Variants in IPO5 observed in about 807,000 individuals in gnomAD.
The protein encoded by IPO5 is importin 5, also known as importin-5.
In IPO5, 18 loss-of-function variants were observed where a neutral mutation model predicts 143.3. The ratio of observed to expected loss-of-function variants is 0.13; its 90% CI spans 0.09 to 0.19. IPO5 has a LOEUF of 0.19. Ranked by LOEUF, IPO5 falls within the 10% of genes least tolerant of loss-of-function variation. The probability of loss-of-function intolerance (pLI) is 1.00; values close to 1 mark genes in which losing one functional copy is unlikely to be tolerated. For missense variants in IPO5, 1,013 were observed against 1,336.9 expected (o/e 0.76, Z 3.78); for synonymous variants, 477 against 465.7 (o/e 1.02, Z -0.31).
At position 98,021,160 on chromosome 13, in the gene IPO5, G is replaced by A. The variant is rs1490152673; in HGVS notation, c.3207+27G>A. On this transcript the variant is annotated intron_variant, in intron 28 of 28. Coordinates refer to ENST00000651721, the MANE Select transcript of IPO5 (RefSeq NM_002271.6). ...TAAGCTGATTTGGTTGAATTGGGGA[G>A]GGGGAGATAAAACCTTTTTTTCTTT... 3 of 1,569,880 alleles carry A rather than the reference G, an allele frequency of 1.9e-6. 1 individual carries two copies. The highest frequency in any genetic ancestry group is 3.4e-4 in the Middle Eastern group (2 of 5,962).
intron 2 of IPO5, among the ~76,000 whole-genome samples, chr13:97,967,496 G>T (rs2139532128): frequency 6.6e-6 from 1 of 151,874 alleles, no homozygotes; most frequent in Non-Finnish European, 1.5e-5. Context: ...TAGTATCTAA[G>T]GAAGTAGGTT....
At chr13:98,007,912 T>G in intron 17 of IPO5, 147 bp from the exon 18 acceptor site, 1 of 584,906 alleles carries the variant, frequency 1.7e-6, no homozygotes, top group Non-Finnish European at 3.1e-6. Context: ...TGTCACAATA[T>G]AGATGAGAAT....
chr13:97,998,053 G>A (rs948195558), intron 12 of IPO5, among the ~76,000 whole-genome samples: 34 of 152,200 alleles, frequency 2.2e-4, no homozygotes, highest in Non-Finnish European at 4.1e-4. Flanking sequence ...TCGGCTCACC[G>A]CAAGCTCCGC....
rs149131662 is a variant in IPO5 at position 98,019,553 on chromosome 13, C to T, written c.2837-28C>T. 1.1e-4 allele frequency: 163 copies of T among 1,497,520 alleles called. No homozygotes were observed. The East Asian group carries it at 3.5e-3, about 32-fold the overall frequency. 92.8% of individuals were successfully genotyped at this position (1,497,520 alleles called of 1,614,324 possible). On this transcript the variant is annotated intron_variant, in intron 26 of 28. Coordinates refer to ENST00000651721, the MANE Select transcript of IPO5 (RefSeq NM_002271.6). ...TTTGCATGAAAATGTGAGGTTTTAG[C>T]TGAACTTCTTTCAAATGCTTATTTT... is the stretch of plus-strand genomic sequence containing the variant.
chr13:97,995,868 C>G (rs1051199645), intron 11 of IPO5, among the ~76,000 whole-genome samples: 14 of 152,148 alleles, frequency 9.2e-5, no homozygotes, highest in Non-Finnish European at 1.5e-4. Context: ...ATATATTTTA[C>G]AAGTAATGCT....
intron 2 of IPO5, among the ~76,000 whole-genome samples, chr13:97,968,132 TTTC>T (rs2139537357): frequency 6.6e-6 from 1 of 152,318 alleles, no homozygotes; most frequent in South Asian, 2.1e-4. Flanking sequence ...CATCTTGTGA[TTTC>T]TTCTTTGACG....
At chr13:98,012,056 A>G (rs1245501057) in intron 20 of IPO5, among the ~76,000 whole-genome samples, 190 bp from the exon 21 acceptor site, 2 of 151,992 alleles carry the variant, frequency 1.3e-5, no homozygotes, top group Non-Finnish European at 2.9e-5. Context: ...CCAATACTAC[A>G]ATCATTTCAT....
In IPO5 at chr13:98,003,591, C is replaced by T. The variant is rs529742668; in HGVS notation, c.1497+554C>T. 7.2e-5 allele frequency among the ~76,000 whole-genome samples: 11 copies of T among 152,122 alleles called. 1 individual carries two copies. In the South Asian group the frequency reaches 8.3e-4, roughly 11 times the overall value. On this transcript the variant is annotated intron_variant, in intron 16 of 28. Coordinates refer to ENST00000651721, the MANE Select transcript of IPO5 (RefSeq NM_002271.6). ...AGGGCCCGGCACGGTGGCTCATCCC[C>T]GTAATCCCAGCACTTTGGGAGGCTG...
rs2139833848 is a variant in IPO5, at chr13:98,012,288, A to G, written c.2098A>G (p.Thr700Ala). 1 of 1,613,296 alleles carries G rather than the reference A, an allele frequency of 6.2e-7. No homozygotes were observed. Among genetic ancestry groups the G allele is most frequent in the East Asian group, 2.2e-5 (1 of 44,860 alleles). The change falls in exon 21 of 29, where the codon ACC becomes GCC. Residue 700 changes from threonine to alanine, a missense_variant. Physicochemically the swap from Thr to Ala is moderately conservative, Grantham distance 58 (BLOSUM62 0). Coordinates refer to ENST00000651721, the MANE Select transcript of IPO5 (RefSeq NM_002271.6). Reference sequence around the variant, plus strand: ...GTTAAAGGAAGGCTTTGTGGAGTACACCGAACAGGTTGTCAAACTGATGGT... The same window carrying G: ...GTTAAAGGAAGGCTTTGTGGAGTACGCCGAACAGGTTGTCAAACTGATGGT... ...KELKEGFVEY[T>A]EQVVKLMVPL...
rs1243744292 is a variant in IPO5, at chr13:97,985,407, T to C, written c.172-14T>C. The C allele has an allele frequency of 6.3e-7, 1 of 1,592,928 alleles. No individual in the cohort carries two copies. Among genetic ancestry groups the C allele is most frequent in the South Asian group, 1.1e-5 (1 of 90,414 alleles). ...AGAGTGAATCTAGTTATTAACAATG[T>C]TATCTGTTTATAGGCTAGACAAATG... is the stretch of plus-strand genomic sequence containing the variant. On this transcript the variant is annotated splice_polypyrimidine_tract_variant and intron_variant, in intron 5 of 28. Transcript: ENST00000651721.
At chr13:98,004,760 A>G (rs1269165852) in intron 16 of IPO5, among the ~76,000 whole-genome samples, 1 of 152,160 alleles carries the variant, frequency 6.6e-6, no homozygotes, top group Non-Finnish European at 1.5e-5. Flanking sequence ...CTTTCTCAAG[A>G]CATAGTTGAA....
At position 98,022,975 on chromosome 13, in the gene IPO5, A is replaced by G. The variant is rs1236621188; in HGVS notation, c.*1153A>G. 2 of 152,626 alleles carry G rather than the reference A, an allele frequency of 1.3e-5. No individual in the cohort carries two copies. The highest frequency in any genetic ancestry group is 2.9e-5 in the Non-Finnish European group (2 of 68,042). The allele number at this position is 152,626 out of a possible 1,614,324, so 9.5% of individuals were successfully genotyped here. A position where few individuals can be genotyped will look rare whatever the true frequency, so the allele number is the denominator to read the frequency against. ...GCATCTTAATAGACTTCTGTTGAAA[A>G]CTTCAGTGTTAACATTTTTATAGTT... On this transcript the variant is annotated 3_prime_UTR_variant, in exon 29 of 29. Transcript: ENST00000651721.
intron 4 of IPO5, chr13:97,981,385 T>C (rs1886834385): frequency 2.5e-6 from 1 of 392,580 alleles, no homozygotes; most frequent in African/African-American, 2.1e-5. Flanking sequence ...CTGCTATTCA[T>C]TGTCTATGAT....
intron 11 of IPO5, among the ~76,000 whole-genome samples, chr13:97,997,317 GT>G (rs1281454058): frequency 6.6e-6 from 1 of 152,170 alleles, no homozygotes; most frequent in Non-Finnish European, 1.5e-5. Flanking sequence ...TCATAGGAGG[GT>G]TTGACTTAAT....
chr13:98,003,179 G>A, intron 16 of IPO5, 142 bp downstream of exon 16: 1 of 691,350 alleles, frequency 1.4e-6, no homozygotes, highest in Non-Finnish European at 2.5e-6. Context: ...ATTCGGAGTT[G>A]TGGAATGATG....
At chr13:98,002,354 T>C (rs583478) in intron 13 of IPO5, 113 bp from the exon 14 acceptor site, 64,960 of 1,010,968 alleles carry the variant, frequency 0.064, 4,197 homozygotes, top group East Asian at 0.32. Flanking sequence ...TATACCCTTT[T>C]CAAAAAAGTT....
At chr13:97,959,234 A>G (rs1884683786) in intron 2 of IPO5, among the ~76,000 whole-genome samples, 1 of 151,764 alleles carries the variant, frequency 6.6e-6, no homozygotes. Flanking sequence ...CTAGTAGCAG[A>G]ACATGCTGCT....
intron 2 of IPO5, among the ~76,000 whole-genome samples, chr13:97,961,634 G>A (rs1029314749): frequency 3.3e-5 from 5 of 152,132 alleles, no homozygotes; most frequent in Admixed American, 1.3e-4. Flanking sequence ...GTATGAAGTG[G>A]TAACTTACAT....
chr13:98,021,424 T>G, intron 28 of IPO5: 1 of 354,300 alleles, frequency 2.8e-6, no homozygotes, highest in Non-Finnish European at 5.0e-6. Context: ...AAAACAAGAT[T>G]TAATAATAAC....
Sources: allele counts gnomAD v4.1 joint callset (sites outside exome capture counted in the v4.1 genomes callset), GRCh38; gene constraint gnomAD v4.1.1; transcripts MANE v1.5; gene names NCBI Gene and HGNC (gene_info 2026-07-23, HGNC 2026-07-21).